Variants in THOC7 observed in about 807,000 individuals in gnomAD.
THOC7 encodes THO complex subunit 7.
THOC7 carries 22 observed loss-of-function variants against 33.1 expected under a neutral mutation model. The observed-to-expected ratio is 0.66, with a 90% CI of 0.47 to 0.95. THOC7 has a LOEUF of 0.95. THOC7 is among the 40% of genes least tolerant of loss of function. THOC7 has a pLI of 0.00. For synonymous variants in THOC7, 77 were observed against 76.8 expected (o/e 1.00, Z -0.01); for missense variants, 184 against 245.3 (o/e 0.75, Z 1.67).
At chr3:63,845,053 C>T (rs1408149323) in intron 1 of THOC7, 1 of 699,692 alleles carries the variant, frequency 1.4e-6, no homozygotes, top group Admixed American at 2.0e-5. Flanking sequence ...AGACAGCTGA[C>T]CTGAGACTCC....
Position 63,838,075 on chromosome 3 carries a change from G to GT in THOC7, c.266-14dup, listed in dbSNP as rs767371199. 5 of 1,577,376 alleles carry GT rather than the reference G, an allele frequency of 3.2e-6. No homozygotes were observed. The highest frequency in any genetic ancestry group is 2.6e-6 in the Non-Finnish European group (3 of 1,166,078). ...GCTATGCTACATTCTATATGAGAAGGTTTTTTAAAAGATAGTTGTAACAAA... is the reference window on the plus strand; with the variant it reads ...GCTATGCTACATTCTATATGAGAAGGTTTTTTTAAAAGATAGTTGTAACAAA... On this transcript the variant is annotated splice_polypyrimidine_tract_variant and intron_variant, in intron 3 of 7. Transcript: ENST00000295899.
chr3:63,853,123 C>T (rs1354237960), intron 1 of THOC7, among the ~76,000 whole-genome samples: 1 of 150,052 alleles, frequency 6.7e-6, no homozygotes, highest in East Asian at 2.0e-4. Flanking sequence ...TGCACTCTAG[C>T]CCGGGTGGCA....
At chr3:63,842,303 CA>C (rs1701779314) in intron 1 of THOC7, among the ~76,000 whole-genome samples, 2 of 151,970 alleles carry the variant, frequency 1.3e-5, no homozygotes, top group African/African-American at 4.8e-5. Flanking sequence ...ATCAAAAAGA[CA>C]AACAATAACA....
intron 1 of THOC7, among the ~76,000 whole-genome samples, chr3:63,856,618 C>A (rs925292610): frequency 2.0e-5 from 3 of 152,080 alleles, no homozygotes; most frequent in Non-Finnish European, 4.4e-5. Flanking sequence ...GCATATATAC[C>A]CACTGGTATA....
At chr3:63,859,089 G>C (rs1702161857) in intron 1 of THOC7, among the ~76,000 whole-genome samples, 1 of 152,142 alleles carries the variant, frequency 6.6e-6, no homozygotes, top group Non-Finnish European at 1.5e-5. Flanking sequence ...CTTTCCAGGA[G>C]GATGAATGAG....
intron 1 of THOC7, chr3:63,854,709 C>T (rs1702078914): frequency 6.6e-6 from 1 of 152,216 alleles, no homozygotes. Flanking sequence ...GAGTGTGAAT[C>T]TGAGTCAAGA....
chr3:63,854,546 C>T (rs1014914291), intron 1 of THOC7: 3 of 152,134 alleles, frequency 2.0e-5, no homozygotes, highest in African/African-American at 7.2e-5. Context: ...GTCATAATTA[C>T]TTTCTTTACT....
chr3:63,843,676 G>A (rs1366913947), intron 1 of THOC7, among the ~76,000 whole-genome samples: 3 of 152,180 alleles, frequency 2.0e-5, no homozygotes, highest in South Asian at 2.1e-4. Flanking sequence ...CAAGGTGGGC[G>A]CATCACGAGG....
chr3:63,859,630 A>T (rs1285019580), intron 1 of THOC7, among the ~76,000 whole-genome samples: 1 of 152,172 alleles, frequency 6.6e-6, no homozygotes, highest in African/African-American at 2.4e-5. Flanking sequence ...TCCTTTTCAG[A>T]AATTATCTTA....
At position 63,857,583 on chromosome 3, in the gene THOC7, T is replaced by C. The variant is rs78473041; in HGVS notation, c.19+6189A>G. On this transcript the variant is annotated intron_variant, in intron 1 of 7. Coordinates refer to ENST00000295899, the MANE Select transcript of THOC7 (RefSeq NM_025075.4). ...TGGTAAAATAACACCTGGTCCCTCC[T>C]TTCAAAAAGCTCAAAGCCATTAAAA... 2.7e-3 allele frequency among the ~76,000 whole-genome samples: 414 copies of C among 152,292 alleles called. 9 individuals are homozygous for C. The East Asian group carries it at 0.03, about 11-fold the overall frequency.
chr3:63,839,126 G>C (rs980644992), intron 2 of THOC7, among the ~76,000 whole-genome samples: 3 of 152,044 alleles, frequency 2.0e-5, no homozygotes, highest in Admixed American at 2.0e-4. Context: ...GGGGGCGGAG[G>C]TTGCAGTGAG....
At position 63,838,209 on chromosome 3, in the gene THOC7, C is replaced by T. The variant is rs1415834588; in HGVS notation, c.266-147G>A. Reference sequence around the variant, plus strand: ...ATAGCTGTAACCCAAAGTACTATATCATCTTAGAATACACATTTTTTATAG... The same window carrying T: ...ATAGCTGTAACCCAAAGTACTATATTATCTTAGAATACACATTTTTTATAG... On this transcript the variant is annotated intron_variant, in intron 3 of 7. Coordinates refer to ENST00000295899, the MANE Select transcript of THOC7 (RefSeq NM_025075.4). 1.4e-5 allele frequency: 13 copies of T among 907,118 alleles called. No individual in the cohort carries two copies. The East Asian group carries it at 3.5e-4, about 25-fold the overall frequency. The allele number at this position is 907,118 out of a possible 1,614,324, so 56.2% of individuals were successfully genotyped here.
In THOC7 at chr3:63,836,252, C is replaced by T. The variant is rs757221571; in HGVS notation, c.410+49G>A. 14 of 1,559,662 alleles carry T rather than the reference C, an allele frequency of 9.0e-6. No individual in the cohort carries two copies. In the Admixed American group the frequency reaches 2.4e-4, roughly 27 times the overall value. ...TGAAATGCCTACGGTAGTTTTCGAG[C>T]ATTTATGTATAAAGGTTAGTTCCTT... On this transcript the variant is annotated intron_variant, in intron 5 of 7. Transcript: ENST00000295899.
chr3:63,858,931 GCTT>G (rs918661807), intron 1 of THOC7, among the ~76,000 whole-genome samples: 2 of 152,210 alleles, frequency 1.3e-5, no homozygotes, highest in African/African-American at 4.8e-5. Flanking sequence ...ATAAAGGGCT[GCTT>G]CTTCAAGAGC....
At chr3:63,863,810 G>A, upstream of THOC7, 4 of 1,234,540 alleles carry the variant, frequency 3.2e-6, no homozygotes, top group South Asian at 1.2e-4. Flanking sequence ...GGCGGCGGCG[G>A]CGGCGGCGGC....
chr3:63,858,993 G>A (rs553680170), intron 1 of THOC7, among the ~76,000 whole-genome samples: 2 of 152,170 alleles, frequency 1.3e-5, no homozygotes, highest in Admixed American at 1.3e-4. Flanking sequence ...TTACATGAAG[G>A]GACAGTGATA....
At chr3:63,846,939 AC>A (rs779458369) in intron 1 of THOC7, among the ~76,000 whole-genome samples, 8 of 152,178 alleles carry the variant, frequency 5.3e-5, no homozygotes, top group Non-Finnish European at 1.2e-4. Context: ...CTCCATGACA[AC>A]CAGCAACCTA....
intron 1 of THOC7, among the ~76,000 whole-genome samples, chr3:63,859,730 C>T (rs1702171377): frequency 6.6e-6 from 1 of 152,270 alleles, no homozygotes; most frequent in South Asian, 2.1e-4. Context: ...GTAGCCAGGA[C>T]CTCGCATTGT....
intron 1 of THOC7, among the ~76,000 whole-genome samples, chr3:63,843,674 G>A (rs1367720625): frequency 2.0e-5 from 3 of 152,114 alleles, no homozygotes; most frequent in Non-Finnish European, 2.9e-5. Context: ...GCCAAGGTGG[G>A]CGCATCACGA....
Sources: gnomAD v4.1 joint callset for allele counts (sites outside exome capture counted in the v4.1 genomes callset) on GRCh38, gnomAD v4.1.1 for gene constraint, MANE v1.5 for transcripts, NCBI Gene and HGNC (gene_info 2026-07-23, HGNC 2026-07-21) for gene names.